The following NHSL1 variants were observed in gnomAD, a reference collection of about 807,000 sequenced individuals.
NHSL1 encodes NHS like 1.
Under a neutral mutation model 95.0 loss-of-function variants are expected in NHSL1, and 48 were observed. The observed-to-expected ratio is 0.51, with a 90% CI of 0.40 to 0.64. The LOEUF is 0.64. Among genes scored for constraint, NHSL1 ranks in the 30% least tolerant of loss-of-function variants. The pLI is 0.00. For missense variants in NHSL1, 1,971 were observed against 2,077.7 expected (o/e 0.95, Z 1.00); for synonymous variants, 783 against 833.9 (o/e 0.94, Z 1.05).
chr6:138,663,668 G>C (rs545724577), intron 1 of NHSL1, among the ~76,000 whole-genome samples: 1 of 151,760 alleles, frequency 6.6e-6, no homozygotes. Flanking sequence ...TCAGGAGTTC[G>C]AGACCAGCCT....
chr6:138,537,030 C>T (rs1782382345), intron 1 of NHSL1, among the ~76,000 whole-genome samples: 2 of 152,186 alleles, frequency 1.3e-5, no homozygotes, highest in African/African-American at 4.8e-5. Context: ...AAGGACATTT[C>T]CACCTATATA....
intron 1 of NHSL1, among the ~76,000 whole-genome samples, chr6:138,583,314 C>A (rs1784088174): frequency 6.6e-6 from 1 of 152,180 alleles, no homozygotes; most frequent in South Asian, 2.1e-4. Context: ...CTAAGCCCAG[C>A]ATCATGGGGA....
chr6:138,609,749 C>CAAAAA lies in NHSL1; in HGVS notation c.96+82722_96+82726dup, dbSNP rs10687521. Among the ~76,000 whole-genome samples, 85 of 106,212 alleles carry CAAAAA rather than the reference C, an allele frequency of 8.0e-4. 3 individuals are homozygous for CAAAAA. The highest frequency in any genetic ancestry group is 4.5e-3 in the East Asian group (15 of 3,298). 69.7% of individuals were successfully genotyped at this position (106,212 alleles called of 152,430 possible). On this transcript the variant is annotated intron_variant, in intron 1 of 3. Coordinates refer to the NHSL1 transcript ENST00000491526. ...TGGGAGACAGAGCAAGACTCTGTCT[C>CAAAAA]AAAAAAAAAAAAAAAAATAGTGCTA...
Position 138,431,830 on chromosome 6 carries a change from G to A in NHSL1, c.2515C>T (p.Pro839Ser). The change falls in exon 6 of 8, where the codon CCA becomes TCA. Residue 839 changes from proline (P) to serine (S), a missense_variant. This residue lies in a region of NHSL1 where 1,602 missense variants were observed against 1,654.5 expected (regional missense o/e 0.97). Transcript: ENST00000343505. The surrounding 1 kb of genome is among the most constrained non-coding windows in gnomAD (Gnocchi z 4.0). ...GGSVKPKIMS[P>S]EKSHRVISPS... ...GAAATGACTCTGTGTGACTTCTCTG[G>A]TGACATGATCTTTGGTTTGACTGAA... 1 of 1,551,680 alleles carries A rather than the reference G, an allele frequency of 6.4e-7. No individual in the cohort carries two copies. The highest frequency in any genetic ancestry group is 8.7e-7 in the Non-Finnish European group (1 of 1,146,980).
Position 138,692,012 on chromosome 6 carries a change from C to T in NHSL1, c.96+464G>A. On this transcript the variant is annotated intron_variant, in intron 1 of 3. Coordinates refer to the NHSL1 transcript ENST00000491526. The surrounding 1 kb of genome is among the most constrained non-coding windows in gnomAD (Gnocchi z 4.0). ...GGTGGCAAGCAGCCCCAACGCTCGC[C>T]GAGATCCCCAGGGTTTTACAAACGG... The T allele has an allele frequency of 2.2e-6, 1 of 456,718 alleles. No homozygotes were observed. Among genetic ancestry groups the T allele is most frequent in the Non-Finnish European group, 4.4e-6 (1 of 226,966 alleles). 28.3% of individuals were successfully genotyped at this position (456,718 alleles called of 1,614,324 possible).
At chr6:138,608,026 C>T (rs1456087346) in intron 1 of NHSL1, among the ~76,000 whole-genome samples, 1 of 152,230 alleles carries the variant, frequency 6.6e-6, no homozygotes, top group Non-Finnish European at 1.5e-5. Context: ...CTGTCAGCTT[C>T]GCTCACTGTC....
intron 1 of NHSL1, among the ~76,000 whole-genome samples, chr6:138,571,063 C>T (rs1184029575): frequency 6.6e-6 from 1 of 151,686 alleles, no homozygotes; most frequent in East Asian, 1.9e-4. Context: ...GGAGGCAAAA[C>T]ATGTTAATCC....
At chr6:138,474,615 T>C (rs1778953777) in intron 2 of NHSL1, among the ~76,000 whole-genome samples, 1 of 152,188 alleles carries the variant, frequency 6.6e-6, no homozygotes, top group Non-Finnish European at 1.5e-5. Flanking sequence ...ATGCATATGT[T>C]AATCATAAAA....
At chr6:138,445,437 C>T (rs12174378) in intron 4 of NHSL1, among the ~76,000 whole-genome samples, 4 of 151,696 alleles carry the variant, frequency 2.6e-5, no homozygotes, top group African/African-American at 7.3e-5. Flanking sequence ...AATATGATCT[C>T]GGTAAATAAG....
At chr6:138,688,263 T>C (rs117330991) in intron 1 of NHSL1, among the ~76,000 whole-genome samples, 1,812 of 152,276 alleles carry the variant, frequency 0.012, 23 homozygotes, top group Non-Finnish European at 0.014. Context: ...AACAGTATGC[T>C]TTAAGTGGGT....
chr6:138,464,715 C>CTTTTTTTTTTTTT lies in NHSL1; in HGVS notation c.339+8578_339+8590dup, dbSNP rs1157342436. ...TTCTCTTCACTTTTTTTTTTCTTTT[C>CTTTTTTTTTTTTT]TTTTTTTTTTTTTTTGAGACAGAGT... On this transcript the variant is annotated intron_variant, in intron 3 of 7. Coordinates refer to ENST00000343505, the MANE Select transcript of NHSL1 (RefSeq NM_001144060.2). 1.9e-3 allele frequency among the ~76,000 whole-genome samples: 229 copies of CTTTTTTTTTTTTT among 118,960 alleles called. 14 individuals are homozygous for CTTTTTTTTTTTTT. The highest frequency in any genetic ancestry group is 7.3e-3 in the African/African-American group (211 of 28,834). 78.0% of individuals were successfully genotyped at this position (118,960 alleles called of 152,430 possible). A position where few individuals can be genotyped will look rare whatever the true frequency, so the allele number is the denominator to read the frequency against.
chr6:138,511,308 G>A (rs1326066660), intron 1 of NHSL1, among the ~76,000 whole-genome samples: 2 of 152,112 alleles, frequency 1.3e-5, no homozygotes, highest in Non-Finnish European at 2.9e-5. Flanking sequence ...TGTAAAGGCA[G>A]GTATGGAGAT....
chr6:138,669,177 T>C (rs1000209021), intron 1 of NHSL1, among the ~76,000 whole-genome samples: 2 of 152,022 alleles, frequency 1.3e-5, no homozygotes, highest in Non-Finnish European at 2.9e-5. Context: ...ACATAGAAAG[T>C]GTCCTGGAGT....
Position 138,525,229 on chromosome 6 carries a change from T to A in NHSL1, c.16+20394A>T, listed in dbSNP as rs186127175. Among the ~76,000 whole-genome samples the A allele has an allele frequency of 1.8e-4, 27 of 152,206 alleles. No individual in the cohort carries two copies. In the East Asian group the frequency reaches 3.1e-3, roughly 17 times the overall value. The stretch of plus-strand genomic sequence containing the variant: ...CAAAAAAGATAATGTTTCAGCCCTA[T>A]CAAAAACAAGAAGGGGCTGAGCACG... On this transcript the variant is annotated intron_variant, in intron 1 of 4. Coordinates refer to the NHSL1 transcript ENST00000342260.
chr6:138,448,038 C>T (rs1165903632), intron 3 of NHSL1, among the ~76,000 whole-genome samples: 1 of 152,194 alleles, frequency 6.6e-6, no homozygotes, highest in African/African-American at 2.4e-5. Context: ...TTATACGGCA[C>T]TGACTAAAGC....
intron 1 of NHSL1, among the ~76,000 whole-genome samples, chr6:138,592,641 A>AC (rs1784247833): frequency 6.6e-6 from 1 of 152,030 alleles, no homozygotes; most frequent in African/African-American, 2.4e-5. Flanking sequence ...AACAACAACA[A>AC]AAAAAACCCC....
At chr6:138,549,939 T>G (rs1470059449), upstream of NHSL1, among the ~76,000 whole-genome samples, 1 of 151,428 alleles carries the variant, frequency 6.6e-6, no homozygotes, top group Non-Finnish European at 1.5e-5. Flanking sequence ...GTTATCATAT[T>G]AAAAAAAAAT....
At chr6:138,485,469 G>T (rs933809112) in intron 2 of NHSL1, among the ~76,000 whole-genome samples, 1 of 146,474 alleles carries the variant, frequency 6.8e-6, no homozygotes, top group Non-Finnish European at 1.5e-5. Context: ...AAAAAAAAAG[G>T]TATGGGGGTG....
At chr6:138,684,705 G>A (rs540252804) in intron 1 of NHSL1, among the ~76,000 whole-genome samples, 1 of 152,162 alleles carries the variant, frequency 6.6e-6, no homozygotes, top group East Asian at 1.9e-4. Context: ...TTCTCAGAGA[G>A]TTCCTCAGTC....
Sources: gnomAD v4.1 joint callset for allele counts (sites outside exome capture counted in the v4.1 genomes callset) on GRCh38, gnomAD v4.1.1 for gene constraint, gnomAD v4.1.1 regional missense constraint, Gnocchi (gnomAD v3.1) non-coding constraint, MANE v1.5 for transcripts, NCBI Gene and HGNC (gene_info 2026-07-23, HGNC 2026-07-21) for gene names.